STK32B: variants seen among roughly 807,000 people sequenced by gnomAD.
STK32B encodes the protein serine/threonine kinase 32B, also known as serine/threonine-protein kinase 32B.
STK32B carries 43 observed loss-of-function variants against 52.6 expected under a neutral mutation model. The ratio of observed to expected loss-of-function variants is 0.82; its 90% CI spans 0.64 to 1.05. The LOEUF (loss-of-function observed/expected upper bound fraction) is 1.05, where lower values mean the gene tolerates loss of function less well. Among genes scored for constraint, STK32B ranks in the 50% least tolerant of loss-of-function variants. The pLI is 0.00. For missense variants in STK32B, 621 were observed against 534.6 expected, an observed-to-expected ratio of 1.16 and a Z score of -1.59; for synonymous variants, 238 against 204.3, an observed-to-expected ratio of 1.17 and a Z score of -1.41.
intron 5 of STK32B, among the ~76,000 whole-genome samples, chr4:5,405,424 G>A (rs966436315): frequency 3.9e-5 from 6 of 152,180 alleles, no homozygotes; most frequent in African/African-American, 1.4e-4. Context: ...TGGTCTGAAT[G>A]TTTGTGTCCC....
In STK32B at chr4:5,380,560, G is replaced by C. The variant is rs540659849; in HGVS notation, c.435-17647G>C. Among the ~76,000 whole-genome samples, 1 of 152,314 alleles carries C rather than the reference G, an allele frequency of 6.6e-6. No homozygotes were observed. Among genetic ancestry groups the C allele is most frequent in the Admixed American group, 6.5e-5 (1 of 15,304 alleles). ...CCCCTGATGGTGTGCAAAGCAGGAA[G>C]TGCAAGTCCCACCCCATAGGAGCAG... On this transcript the variant is annotated intron_variant, in intron 4 of 11. Transcript: ENST00000282908. This position sits in a 1 kb window ranked among gnomAD's most constrained non-coding sequence, Gnocchi z 4.3.
chr4:5,026,643 G>A, the STK32B span, among the ~76,000 whole-genome samples: 4 of 152,178 alleles, frequency 2.6e-5, no homozygotes, highest in Non-Finnish European at 5.9e-5. Flanking sequence ...TGGGGACAGA[G>A]AGCCAAACCA....
intron 1 of STK32B, among the ~76,000 whole-genome samples, chr4:5,128,762 A>T (rs7671523): frequency 0.013 from 1,977 of 152,256 alleles, 49 homozygotes; most frequent in African/African-American, 0.044. Flanking sequence ...GCCAGAATGG[A>T]TACTGGCCAG....
chr4:5,490,305 C>T (rs1443922848), intron 11 of STK32B, among the ~76,000 whole-genome samples: 1 of 151,996 alleles, frequency 6.6e-6, no homozygotes, highest in Non-Finnish European at 1.5e-5. Flanking sequence ...TGGGGTTTCA[C>T]CTTGTTGGCA....
intron 1 of STK32B, among the ~76,000 whole-genome samples, chr4:5,077,641 C>T (rs566000348): frequency 1.3e-5 from 2 of 152,254 alleles, no homozygotes; most frequent in East Asian, 3.9e-4. Context: ...CAAAATACCT[C>T]TTACCTATTT....
chr4:5,270,068 TA>T (rs886183265), intron 3 of STK32B, among the ~76,000 whole-genome samples: 41 of 152,302 alleles, frequency 2.7e-4, no homozygotes, highest in African/African-American at 9.9e-4. Context: ...TCATTCCTGG[TA>T]AAAAACTCAA....
At chr4:5,037,498 A>G in the STK32B span, among the ~76,000 whole-genome samples, 1 of 152,212 alleles carries the variant, frequency 6.6e-6, no homozygotes, top group African/African-American at 2.4e-5. Flanking sequence ...CTTGGTCACA[A>G]CCAGCTCTTC....
At chr4:5,493,775 T>G (rs1275391541) in intron 11 of STK32B, among the ~76,000 whole-genome samples, 1 of 152,248 alleles carries the variant, frequency 6.6e-6, no homozygotes, top group Non-Finnish European at 1.5e-5. Flanking sequence ...TCTGGTATGT[T>G]GTGTCTTTGT....
chr4:5,366,073 A>G (rs1350818540), intron 4 of STK32B, among the ~76,000 whole-genome samples: 1 of 151,886 alleles, frequency 6.6e-6, no homozygotes, highest in African/African-American at 2.4e-5. Context: ...CTTACAAAAG[A>G]AACTAGGCCA....
chr4:5,225,212 A>T (rs1723783152), intron 3 of STK32B, among the ~76,000 whole-genome samples: 1 of 152,152 alleles, frequency 6.6e-6, no homozygotes, highest in Admixed American at 6.5e-5. Context: ...TGAGGTCAGG[A>T]GTTCAAGACC....
At chr4:5,133,481 T>C (rs1715896383) in intron 1 of STK32B, among the ~76,000 whole-genome samples, 1 of 152,188 alleles carries the variant, frequency 6.6e-6, no homozygotes, top group Non-Finnish European at 1.5e-5. Flanking sequence ...CATTCATGCA[T>C]ATATGTCATT....
At chr4:5,148,422 T>C (rs1717090383) in intron 2 of STK32B, among the ~76,000 whole-genome samples, 1 of 151,838 alleles carries the variant, frequency 6.6e-6, no homozygotes, top group East Asian at 1.9e-4. Flanking sequence ...ACCCCCAAAA[T>C]TTGATATGTT....
chr4:5,210,552 A>T (rs1480372306), intron 3 of STK32B, among the ~76,000 whole-genome samples: 3 of 152,146 alleles, frequency 2.0e-5, no homozygotes, highest in African/African-American at 7.2e-5. Context: ...GGTGTGCATT[A>T]TGAACTCTAC....
At chr4:5,418,396 A>G (rs1438729954) in intron 6 of STK32B, among the ~76,000 whole-genome samples, 2 of 152,264 alleles carry the variant, frequency 1.3e-5, no homozygotes, top group East Asian at 3.8e-4. Flanking sequence ...CCCATTTACC[A>G]TTGCAAATGA....
intron 3 of STK32B, among the ~76,000 whole-genome samples, chr4:5,183,201 G>C (rs1256941242): frequency 6.6e-6 from 1 of 152,150 alleles, no homozygotes; most frequent in Admixed American, 6.5e-5. Flanking sequence ...GCATTGGCCG[G>C]GCATGGTGGC....
chr4:5,213,518 G>A (rs1304553124), intron 3 of STK32B, among the ~76,000 whole-genome samples: 1 of 152,230 alleles, frequency 6.6e-6, no homozygotes, highest in Non-Finnish European at 1.5e-5. Flanking sequence ...TAGAAGTGAA[G>A]CAGATAGAGA....
At chr4:5,177,629 A>G (rs776955482) in intron 3 of STK32B, among the ~76,000 whole-genome samples, 8 of 152,196 alleles carry the variant, frequency 5.3e-5, no homozygotes, top group Non-Finnish European at 1.0e-4. Context: ...CCTTCCACCT[A>G]TGAGCCTGTA....
At chr4:5,427,697 G>A (rs1713216998) in intron 6 of STK32B, among the ~76,000 whole-genome samples, 1 of 152,074 alleles carries the variant, frequency 6.6e-6, no homozygotes, top group Admixed American at 6.5e-5. Flanking sequence ...ACAGTTATGT[G>A]TAATATCCCC....
intron 1 of STK32B, among the ~76,000 whole-genome samples, chr4:5,093,924 T>C (rs370788712): frequency 6.6e-6 from 1 of 152,160 alleles, no homozygotes; most frequent in Non-Finnish European, 1.5e-5. Flanking sequence ...GTCCTGACAT[T>C]ACAAGAAAAA....
Sources: gnomAD v4.1 joint callset for allele counts (sites outside exome capture counted in the v4.1 genomes callset) on GRCh38, gnomAD v4.1.1 for gene constraint, Gnocchi (gnomAD v3.1) non-coding constraint, MANE v1.5 for transcripts, NCBI Gene and HGNC (gene_info 2026-07-23, HGNC 2026-07-21) for gene names.